Variants in KALRN observed in about 807,000 individuals in gnomAD.
KALRN encodes kalirin RhoGEF kinase.
Under a neutral mutation model 353.7 loss-of-function variants are expected in KALRN, and 70 were observed. The ratio of observed to expected loss-of-function variants is 0.20; its 90% CI spans 0.16 to 0.24. The LOEUF is 0.24. KALRN is among the 10% of genes least tolerant of loss of function. The pLI is 1.00. For missense variants in KALRN, 2,791 were observed against 3,756.7 expected (o/e 0.74, Z 6.72); for synonymous variants, 1,391 against 1,434.8 (o/e 0.97, Z 0.69).
intron 1 of KALRN, among the ~76,000 whole-genome samples, chr3:124,186,085 G>C (rs940607890): frequency 1.3e-5 from 2 of 152,104 alleles, no homozygotes; most frequent in Non-Finnish European, 2.9e-5. Context: ...TTTTTACCAT[G>C]GTTTCTTCAT....
At chr3:124,127,077 T>G (rs540081472) in intron 1 of KALRN, among the ~76,000 whole-genome samples, 1 of 152,176 alleles carries the variant, frequency 6.6e-6, no homozygotes, top group Non-Finnish European at 1.5e-5. Context: ...TGGGTACTTT[T>G]GTGGCAAGGC....
intron 1 of KALRN, among the ~76,000 whole-genome samples, chr3:124,072,901 CCA>C (rs1328430302): frequency 6.6e-6 from 1 of 152,232 alleles, no homozygotes; most frequent in African/African-American, 2.4e-5. Context: ...TGGCTGCCCA[CCA>C]GGGCCCTTTG....
chr3:124,508,371 G>T (rs1416658926), intron 33 of KALRN, among the ~76,000 whole-genome samples: 1 of 152,078 alleles, frequency 6.6e-6, no homozygotes, highest in Non-Finnish European at 1.5e-5. Flanking sequence ...TTCTATGCAG[G>T]TATCCCTAAA....
intron 1 of KALRN, among the ~76,000 whole-genome samples, chr3:124,148,402 A>C (rs950838984): frequency 1.3e-5 from 2 of 152,194 alleles, no homozygotes; most frequent in Non-Finnish European, 2.9e-5. Context: ...AGATTTTGAA[A>C]ACACTGTATT....
intron 21 of KALRN, among the ~76,000 whole-genome samples, 186 bp downstream of exon 21, chr3:124,447,071 T>C (rs2093863777): frequency 1.3e-5 from 2 of 152,242 alleles, no homozygotes; most frequent in Non-Finnish European, 2.9e-5. Flanking sequence ...GAATTGCAGC[T>C]GCTGGGTAGA....
chr3:124,210,726 C>T (rs1234839323), intron 1 of KALRN, among the ~76,000 whole-genome samples: 1 of 152,198 alleles, frequency 6.6e-6, no homozygotes, highest in Non-Finnish European at 1.5e-5. Context: ...AATCCCACAA[C>T]CATGACTCAG....
At chr3:124,405,090 G>A (rs1432286790) in intron 13 of KALRN, among the ~76,000 whole-genome samples, 1 of 152,144 alleles carries the variant, frequency 6.6e-6, no homozygotes. Flanking sequence ...ATACAATGAA[G>A]TAAACCTAAT....
intron 10 of KALRN, among the ~76,000 whole-genome samples, chr3:124,374,977 G>T (rs1447551453): frequency 1.3e-5 from 2 of 152,128 alleles, no homozygotes; most frequent in Non-Finnish European, 2.9e-5. Flanking sequence ...GGGTCACTGG[G>T]CAGTCTATGT....
At chr3:124,605,479 A>T (rs1294574627) in intron 34 of KALRN, among the ~76,000 whole-genome samples, 1 of 151,520 alleles carries the variant, frequency 6.6e-6, no homozygotes, top group African/African-American at 2.4e-5. Flanking sequence ...AGGCTGAGGC[A>T]GGAGAATTGC....
intron 1 of KALRN, among the ~76,000 whole-genome samples, chr3:124,146,343 A>T (rs973478644): frequency 6.6e-6 from 1 of 152,228 alleles, no homozygotes; most frequent in African/African-American, 2.4e-5. Context: ...TGTTGAATCT[A>T]AAAATTAAAA....
chr3:124,416,709 A>G (rs976027100), intron 14 of KALRN, among the ~76,000 whole-genome samples: 1 of 152,370 alleles, frequency 6.6e-6, no homozygotes, highest in Admixed American at 6.5e-5. Context: ...GGGTGAGCCC[A>G]GGTGGGCCTT....
chr3:124,435,390 T>C (rs1031314957), intron 17 of KALRN, among the ~76,000 whole-genome samples: 14 of 152,216 alleles, frequency 9.2e-5, no homozygotes, highest in African/African-American at 3.4e-4. Flanking sequence ...GCCATAACGA[T>C]GCAGTGTGTT....
chr3:124,689,816 G>A (rs962900549), intron 51 of KALRN, among the ~76,000 whole-genome samples: 1 of 152,110 alleles, frequency 6.6e-6, no homozygotes, highest in African/African-American at 2.4e-5. Flanking sequence ...TATGACTGAT[G>A]GTGCATAAAA....
intron 21 of KALRN, among the ~76,000 whole-genome samples, chr3:124,451,135 C>G (rs1264619385): frequency 1.3e-5 from 2 of 151,800 alleles, no homozygotes; most frequent in Admixed American, 1.3e-4. Flanking sequence ...AGATTACTAT[C>G]AAGAAGACAA....
chr3:124,633,453 T>C (rs2081000775), intron 35 of KALRN, among the ~76,000 whole-genome samples: 1 of 152,006 alleles, frequency 6.6e-6, no homozygotes, highest in Non-Finnish European at 1.5e-5. Context: ...CCCCCTCTTG[T>C]TGTGATTTTA....
intron 1 of KALRN, among the ~76,000 whole-genome samples, chr3:124,062,841 C>T (rs913319540): frequency 8.5e-5 from 13 of 152,070 alleles, no homozygotes; most frequent in Admixed American, 2.6e-4. Context: ...CTGAAGTATA[C>T]GTAGAGAACT....
chr3:124,536,196 C>CTTTTTT (rs34435871), intron 33 of KALRN, among the ~76,000 whole-genome samples: 103 of 99,144 alleles, frequency 1.0e-3, no homozygotes, highest in African/African-American at 3.8e-3. Flanking sequence ...CATCCATACT[C>CTTTTTT]TTTTTTTTTT....
intron 10 of KALRN, among the ~76,000 whole-genome samples, chr3:124,382,499 G>A (rs2087538215): frequency 6.6e-6 from 1 of 152,146 alleles, no homozygotes; most frequent in Non-Finnish European, 1.5e-5. Flanking sequence ...CCAGGACCGA[G>A]GGGATTTCTG....
chr3:124,118,320 A>G (rs886658854), intron 1 of KALRN, among the ~76,000 whole-genome samples: 2 of 152,020 alleles, frequency 1.3e-5, no homozygotes, highest in Admixed American at 6.6e-5. Context: ...CTTGGGGCCG[A>G]TGGGGGTGTG....
Sources: gnomAD v4.1 joint callset for allele counts (sites outside exome capture counted in the v4.1 genomes callset) on GRCh38, gnomAD v4.1.1 for gene constraint, MANE v1.5 for transcripts, NCBI Gene and HGNC (gene_info 2026-07-23, HGNC 2026-07-21) for gene names.